Variants in TRABD2B observed in about 807,000 individuals in gnomAD.
The protein encoded by TRABD2B is TraB domain containing 2B.
A neutral mutation model predicts 40.1 loss-of-function variants in TRABD2B; 14 were observed. That is an observed-to-expected ratio of 0.35 (90% CI 0.23 to 0.55). The LOEUF (loss-of-function observed/expected upper bound fraction) is 0.55. TRABD2B is among the 20% of genes least tolerant of loss of function. The pLI, the probability that TRABD2B is intolerant of heterozygous loss-of-function variation, is 0.90. For missense variants in TRABD2B, 541 were observed against 648.6 expected (o/e 0.83, Z 1.80); for synonymous variants, 263 against 277.0 (o/e 0.95, Z 0.50).
chr1:47,792,791 G>C (rs1028050264), intron 4 of TRABD2B, among the ~76,000 whole-genome samples: 1 of 152,102 alleles, frequency 6.6e-6, no homozygotes, highest in Non-Finnish European at 1.5e-5. Flanking sequence ...ACTCAGGTGG[G>C]GTGTGTAGAA....
intron 2 of TRABD2B, among the ~76,000 whole-genome samples, chr1:47,856,391 G>A (rs540504346): frequency 1.3e-5 from 2 of 152,358 alleles, no homozygotes; most frequent in East Asian, 1.9e-4. Context: ...AGAGTGTGAA[G>A]TGAAAATGAA....
At chr1:47,778,376 C>G (rs1313698439) in intron 5 of TRABD2B, 78 bp downstream of exon 5, 1 of 1,067,444 alleles carries the variant, frequency 9.4e-7, no homozygotes, top group African/African-American at 1.6e-5. Flanking sequence ...TCACCAGAAG[C>G]CTCTTCACAG....
intron 2 of TRABD2B, among the ~76,000 whole-genome samples, chr1:47,933,138 CT>C (rs1645062268): frequency 6.7e-6 from 1 of 149,138 alleles, no homozygotes; most frequent in African/African-American, 2.5e-5. Flanking sequence ...CGCAGTCTCA[CT>C]TTGTTGTCCA....
intron 2 of TRABD2B, among the ~76,000 whole-genome samples, chr1:47,972,089 T>C (rs1645689730): frequency 6.6e-6 from 1 of 152,200 alleles, no homozygotes; most frequent in Non-Finnish European, 1.5e-5. Context: ...ATAATGCTAA[T>C]TAAGTAGTTA....
At chr1:47,815,467 C>T (rs1027359587) in intron 2 of TRABD2B, among the ~76,000 whole-genome samples, 2 of 152,158 alleles carry the variant, frequency 1.3e-5, no homozygotes, top group Admixed American at 1.3e-4. Context: ...AGAATCTTCT[C>T]AAGGAGCCTC....
intron 2 of TRABD2B, among the ~76,000 whole-genome samples, chr1:47,986,110 T>C (rs1419409181): frequency 6.6e-6 from 1 of 152,184 alleles, no homozygotes; most frequent in Non-Finnish European, 1.5e-5. Context: ...GAGAAGATCA[T>C]GTGTGCTCTG....
At chr1:47,957,011 C>T (rs1418986070) in intron 2 of TRABD2B, among the ~76,000 whole-genome samples, 2 of 152,172 alleles carry the variant, frequency 1.3e-5, no homozygotes, top group Admixed American at 6.5e-5. Flanking sequence ...ACAAAGCTTC[C>T]AGAGGAAGGA....
intron 2 of TRABD2B, among the ~76,000 whole-genome samples, chr1:47,881,241 T>C (rs1036581362): frequency 6.6e-6 from 1 of 152,168 alleles, no homozygotes; most frequent in East Asian, 1.9e-4. Flanking sequence ...GGCAGGTCCA[T>C]GCAGGCTTGC....
intron 4 of TRABD2B, among the ~76,000 whole-genome samples, chr1:47,793,323 AG>A (rs1469123935): frequency 6.6e-6 from 1 of 152,230 alleles, no homozygotes; most frequent in African/African-American, 2.4e-5. Context: ...TGTGCCTTAA[AG>A]GTGCTGTCCC....
At chr1:47,804,770 C>T (rs973390369) in intron 2 of TRABD2B, among the ~76,000 whole-genome samples, 6 of 152,222 alleles carry the variant, frequency 3.9e-5, no homozygotes, top group African/African-American at 1.4e-4. Flanking sequence ...CAGATTGGAG[C>T]TGGAAGAGCC....
intron 1 of TRABD2B, among the ~76,000 whole-genome samples, chr1:47,995,194 T>C (rs774765041): frequency 2.6e-5 from 4 of 152,188 alleles, no homozygotes; most frequent in Non-Finnish European, 5.9e-5. Context: ...AGCACACCTA[T>C]TTAAACAGCT....
At position 47,858,519 on chromosome 1, in the gene TRABD2B, G is replaced by A. The variant is rs138972127; in HGVS notation, c.667-56900C>T. ...AGTGATCCTCACCCCTCGGCCTCCCGAAATGTTGGGATTACAGGGGTAAAC... is the reference window on the plus strand; with the variant it reads ...AGTGATCCTCACCCCTCGGCCTCCCAAAATGTTGGGATTACAGGGGTAAAC... On this transcript the variant is annotated intron_variant, in intron 2 of 6. Transcript: ENST00000606738. 9.3e-3 allele frequency among the ~76,000 whole-genome samples: 1,412 copies of A among 152,186 alleles called. 70 individuals carry two copies. Among genetic ancestry groups the A allele is most frequent in the Admixed American group, 0.086 (1,310 of 15,284 alleles).
intron 2 of TRABD2B, among the ~76,000 whole-genome samples, chr1:47,925,835 G>T (rs1341890645): frequency 1.3e-5 from 2 of 152,204 alleles, no homozygotes; most frequent in African/African-American, 4.8e-5. Flanking sequence ...AGAAAGAAAT[G>T]TCTGAAAAGT....
At chr1:47,940,850 C>T (rs928754641) in intron 2 of TRABD2B, among the ~76,000 whole-genome samples, 7 of 152,160 alleles carry the variant, frequency 4.6e-5, no homozygotes, top group Admixed American at 1.3e-4. Flanking sequence ...TCCAGGAATC[C>T]GGAGGGGAAA....
At chr1:47,954,107 G>A (rs2148389984) in intron 2 of TRABD2B, among the ~76,000 whole-genome samples, 1 of 152,310 alleles carries the variant, frequency 6.6e-6, no homozygotes, top group South Asian at 2.1e-4. Context: ...CAAGTAACAA[G>A]GAAAGGCCAG....
chr1:47,913,636 G>A (rs1019843075), intron 2 of TRABD2B, among the ~76,000 whole-genome samples: 4 of 152,124 alleles, frequency 2.6e-5, no homozygotes, highest in Non-Finnish European at 4.4e-5. Flanking sequence ...CCATGAATAC[G>A]AACCGCTATG....
intron 2 of TRABD2B, among the ~76,000 whole-genome samples, chr1:47,988,790 G>A (rs545657457): frequency 2.6e-5 from 4 of 152,206 alleles, no homozygotes; most frequent in Non-Finnish European, 4.4e-5. Flanking sequence ...TGGGACAAAG[G>A]GGGGCAAATT....
intron 2 of TRABD2B, among the ~76,000 whole-genome samples, chr1:47,990,767 GGTTTTATATATATATATATATATATA>G (rs1162225683): frequency 9.0e-5 from 6 of 66,608 alleles, no homozygotes; most frequent in African/African-American, 3.0e-4. Flanking sequence ...TTAAAACGTT[GGTTTTATATATATATATATATATATA>G]TATATATATA....
chr1:47,834,103 CAG>C (rs1645286767), intron 2 of TRABD2B, among the ~76,000 whole-genome samples: 1 of 152,198 alleles, frequency 6.6e-6, no homozygotes, highest in Non-Finnish European at 1.5e-5. Flanking sequence ...ATCCCATTCC[CAG>C]ACAACTATCA....
Sources: allele counts gnomAD v4.1 joint callset (sites outside exome capture counted in the v4.1 genomes callset), GRCh38; gene constraint gnomAD v4.1.1; transcripts MANE v1.5; gene names NCBI Gene and HGNC (gene_info 2026-07-23, HGNC 2026-07-21).